PDIA6: variants seen among roughly 807,000 people sequenced by gnomAD.
The protein encoded by PDIA6 is protein disulfide-isomerase A6.
A neutral mutation model predicts 58.4 loss-of-function variants in PDIA6; 29 were observed. The ratio of observed to expected loss-of-function variants is 0.50; its 90% CI spans 0.37 to 0.68. The LOEUF (loss-of-function observed/expected upper bound fraction) is 0.68. Ranked by LOEUF, PDIA6 falls within the 30% of genes least tolerant of loss-of-function variation. PDIA6 has a pLI of 0.00. For synonymous variants in PDIA6, 192 were observed against 202.6 expected, an observed-to-expected ratio of 0.95 and a Z score of 0.44; for missense variants, 480 against 551.0, an observed-to-expected ratio of 0.87 and a Z score of 1.29.
chr2:10,792,918 C>T (rs1161049151), intron 5 of PDIA6, among the ~76,000 whole-genome samples, 178 bp downstream of exon 5: 1 of 152,150 alleles, frequency 6.6e-6, no homozygotes, highest in Non-Finnish European at 1.5e-5. Flanking sequence ...TCTGAGGAGG[C>T]CAAATGAGCA....
intron 1 of PDIA6, among the ~76,000 whole-genome samples, chr2:10,806,400 G>C (rs74996957): frequency 0.072 from 10,620 of 148,386 alleles, 559 homozygotes; most frequent in South Asian, 0.14. Context: ...AAATATTTTT[G>C]TACTGCTGTT....
chr2:10,826,506 C>A (rs1164303730), intron 1 of PDIA6, among the ~76,000 whole-genome samples: 1 of 152,020 alleles, frequency 6.6e-6, no homozygotes, highest in Non-Finnish European at 1.5e-5. Flanking sequence ...ATTACAGGCG[C>A]CTGCCACCAC....
At chr2:10,812,514 G>C (rs1388337683) in intron 1 of PDIA6, among the ~76,000 whole-genome samples, 164 bp downstream of exon 1, 1 of 151,632 alleles carries the variant, frequency 6.6e-6, no homozygotes, top group Non-Finnish European at 1.5e-5. Flanking sequence ...CACCTCCGCC[G>C]GGGCAACCTA....
intron 2 of PDIA6, among the ~76,000 whole-genome samples, chr2:10,818,446 C>T (rs1244918728): frequency 6.6e-6 from 1 of 151,476 alleles, no homozygotes; most frequent in African/African-American, 2.4e-5. Flanking sequence ...GGATTACAGG[C>T]GTGAGCCACT....
chr2:10,816,933 A>C (rs1481404470), upstream of PDIA6, among the ~76,000 whole-genome samples: 4 of 152,204 alleles, frequency 2.6e-5, no homozygotes. Context: ...GAATGTCCTC[A>C]TTCAACTTAG....
At chr2:10,795,975 A>T (rs1666248029) in intron 4 of PDIA6, among the ~76,000 whole-genome samples, 1 of 152,144 alleles carries the variant, frequency 6.6e-6, no homozygotes, top group Non-Finnish European at 1.5e-5. Context: ...CAAACAAATT[A>T]TGCCCAATAC....
upstream of PDIA6, among the ~76,000 whole-genome samples, chr2:10,836,151 G>A (rs1373756979): frequency 6.6e-6 from 1 of 152,128 alleles, no homozygotes; most frequent in African/African-American, 2.4e-5. Flanking sequence ...CACCAGTGAT[G>A]AAGGGGAAGG....
At chr2:10,818,845 G>C (rs762094015) in intron 2 of PDIA6, among the ~76,000 whole-genome samples, 1 of 152,016 alleles carries the variant, frequency 6.6e-6, no homozygotes, top group Non-Finnish European at 1.5e-5. Flanking sequence ...TAAGTGTACA[G>C]TTCCATGGCA....
intron 6 of PDIA6, among the ~76,000 whole-genome samples, chr2:10,791,515 G>A (rs899335325): frequency 3.3e-5 from 5 of 152,152 alleles, no homozygotes; most frequent in African/African-American, 1.2e-4. Context: ...AACATTTTGT[G>A]TGTGGCTTTA....
At chr2:10,813,403 G>T (rs1667093978), upstream of PDIA6, among the ~76,000 whole-genome samples, 1 of 152,208 alleles carries the variant, frequency 6.6e-6, no homozygotes, top group South Asian at 2.1e-4. Flanking sequence ...TCGCTGACAG[G>T]GTCTCCACTT....
chr2:10,787,769 A>G (rs546835953), intron 10 of PDIA6, among the ~76,000 whole-genome samples: 8 of 152,258 alleles, frequency 5.3e-5, no homozygotes, highest in African/African-American at 1.9e-4. Context: ...AAGCAAAAAG[A>G]TAAATAGGAA....
At chr2:10,817,164 G>A (rs1667222828), upstream of PDIA6, among the ~76,000 whole-genome samples, 1 of 152,194 alleles carries the variant, frequency 6.6e-6, no homozygotes. Flanking sequence ...TTTTTCATAA[G>A]TGAAAGTGAT....
In PDIA6 at chr2:10,793,267, C is replaced by A. The variant is rs1310935864; in HGVS notation, c.347-65G>T. ...TCAGCAAGTGCCTCATCTGGCCCGG[C>A]CCAAGACTGTGTCTTTACCTCACTG... is the stretch of plus-strand genomic sequence containing the variant. On this transcript the variant is annotated intron_variant, in intron 4 of 12. Coordinates refer to ENST00000272227, the MANE Select transcript of PDIA6 (RefSeq NM_005742.4). 6 of 1,061,284 alleles carry A rather than the reference C, an allele frequency of 5.7e-6. No homozygotes were observed. The African/African-American group carries it at 9.3e-5, about 16-fold the overall frequency. 65.7% of individuals were successfully genotyped at this position (1,061,284 alleles called of 1,614,324 possible).
Position 10,802,635 on chromosome 2 carries a change from C to A in PDIA6, c.25G>T (p.Val9Leu). The change falls in exon 2 of 13, where the codon GTG becomes TTG. Residue 9 changes from valine to leucine, a missense_variant. Physicochemically the swap from Val to Leu is conservative, Grantham distance 32. Coordinates refer to ENST00000272227, the MANE Select transcript of PDIA6 (RefSeq NM_005742.4). Reference protein sequence around the residue: MALLVLGLVSCTFFLAVNG... With the variant: MALLVLGLLSCTFFLAVNG... ...ACTGCCAGAAAGAAGGTACAGCTCA[C>A]CAGACCTGAAGATAAAAACAAAAGT... is the stretch of plus-strand genomic sequence containing the variant. 2 of 1,450,108 alleles carry A rather than the reference C, an allele frequency of 1.4e-6. No individual in the cohort carries two copies. Among genetic ancestry groups the A allele is most frequent in the Non-Finnish European group, 1.8e-6 (2 of 1,100,908 alleles). 89.8% of individuals were successfully genotyped at this position (1,450,108 alleles called of 1,614,324 possible).
chr2:10,820,745 C>T (rs763725890), intron 1 of PDIA6: 2 of 702,946 alleles, frequency 2.8e-6, no homozygotes, highest in Non-Finnish European at 2.6e-6. Flanking sequence ...TGGCCCGAAG[C>T]CAGGGAGCTG....
intron 4 of PDIA6, among the ~76,000 whole-genome samples, chr2:10,795,395 G>A (rs1170045437): frequency 6.6e-6 from 1 of 152,120 alleles, no homozygotes; most frequent in Admixed American, 6.5e-5. Context: ...AGAAAAGCAG[G>A]TGTTTACTCA....
intron 1 of PDIA6, among the ~76,000 whole-genome samples, chr2:10,826,505 G>A (rs192644210): frequency 7.9e-5 from 12 of 152,122 alleles, no homozygotes; most frequent in African/African-American, 2.4e-4. Context: ...AATTACAGGC[G>A]CCTGCCACCA....
At chr2:10,813,731 G>T (rs1667105787), upstream of PDIA6, among the ~76,000 whole-genome samples, 1 of 152,158 alleles carries the variant, frequency 6.6e-6, no homozygotes, top group African/African-American at 2.4e-5. Flanking sequence ...TGCCTCCCGG[G>T]TTCAAGCGAT....
chr2:10,822,347 C>T (rs1187784965), intron 1 of PDIA6, among the ~76,000 whole-genome samples: 1 of 152,066 alleles, frequency 6.6e-6, no homozygotes, highest in Non-Finnish European at 1.5e-5. Context: ...ACTGCAAGCT[C>T]CGCCTCCCGG....
Sources: allele counts gnomAD v4.1 joint callset (sites outside exome capture counted in the v4.1 genomes callset), GRCh38; gene constraint gnomAD v4.1.1; transcripts MANE v1.5; gene names NCBI Gene and HGNC (gene_info 2026-07-23, HGNC 2026-07-21).